Variants in ATP10D observed in about 807,000 individuals in gnomAD.
The protein encoded by ATP10D is ATPase phospholipid transporting 10D (putative), also known as phospholipid-transporting ATPase VD.
Under a neutral mutation model 144.8 loss-of-function variants are expected in ATP10D, and 89 were observed. That is an observed-to-expected ratio of 0.61 (90% CI 0.52 to 0.73). The LOEUF (loss-of-function observed/expected upper bound fraction) is 0.73. ATP10D is among the 30% of genes least tolerant of loss of function. ATP10D has a pLI of 0.00. For missense variants in ATP10D, 1,603 were observed against 1,714.8 expected, an observed-to-expected ratio of 0.93 and a Z score of 1.15; for synonymous variants, 571 against 615.1, an observed-to-expected ratio of 0.93 and a Z score of 1.06.
intron 9 of ATP10D, among the ~76,000 whole-genome samples, chr4:47,537,773 A>C (rs1717928068): frequency 6.6e-6 from 1 of 152,144 alleles, no homozygotes. Context: ...TTAGTTTGCT[A>C]TGCTTAATGG....
chr4:47,534,063 C>T (rs1401133592), intron 5 of ATP10D, among the ~76,000 whole-genome samples: 1 of 152,160 alleles, frequency 6.6e-6, no homozygotes, highest in Non-Finnish European at 1.5e-5. Flanking sequence ...ACAAGGTCTA[C>T]ACTTTGCATC....
Position 47,535,885 on chromosome 4 carries a change from C to A in ATP10D, c.884-17C>A, listed in dbSNP as rs1409467405. The stretch of plus-strand genomic sequence containing the variant: ...TTTAATTTGTACATTTTCTATCATA[C>A]TGCACATCCTTCATAGGCCATGAAA... On this transcript the variant is annotated splice_polypyrimidine_tract_variant and intron_variant, in intron 6 of 22. Transcript: ENST00000273859. 1.2e-6 allele frequency: 2 copies of A among 1,605,524 alleles called. No homozygotes were observed. Among genetic ancestry groups the A allele is most frequent in the Non-Finnish European group, 1.7e-6 (2 of 1,177,108 alleles).
intron 20 of ATP10D, among the ~76,000 whole-genome samples, chr4:47,581,713 G>T (rs910056900): frequency 3.9e-5 from 6 of 152,262 alleles, no homozygotes; most frequent in Admixed American, 1.3e-4. Context: ...TGAGTGAAAG[G>T]TTCCAGGAGG....
rs967659275 is a variant in ATP10D at position 47,512,829 on chromosome 4, A to C, written c.289A>C (p.Arg97=). 2.5e-6 allele frequency: 4 copies of C among 1,597,064 alleles called. No individual in the cohort carries two copies. Among genetic ancestry groups the C allele is most frequent in the Non-Finnish European group, 3.4e-6 (4 of 1,167,672 alleles). The part of the protein sequence containing the change: ...VPRNLFEQFH[R]AANLYFLFLV... Reference sequence around the variant, plus strand: ...AAGAAATTTATTTGAACAATTTCACAGGTACTGTTTTATTTTTGAAGAAAA... The same window carrying C: ...AAGAAATTTATTTGAACAATTTCACCGGTACTGTTTTATTTTTGAAGAAAA... The change falls in exon 2 of 23, where the codon AGA becomes CGA. Residue 97 remains arginine (R), a splice_region_variant and synonymous_variant. Transcript: ENST00000273859.
intron 1 of ATP10D, among the ~76,000 whole-genome samples, chr4:47,506,686 A>G (rs1252863675): frequency 6.6e-6 from 1 of 152,206 alleles, no homozygotes; most frequent in East Asian, 1.9e-4. Flanking sequence ...GATCTAAAAC[A>G]TTCTTTCTTG....
intron 3 of ATP10D, among the ~76,000 whole-genome samples, chr4:47,518,065 A>G (rs1462340439): frequency 1.3e-5 from 2 of 152,214 alleles, no homozygotes; most frequent in Non-Finnish European, 2.9e-5. Flanking sequence ...AAGATGGGAT[A>G]TAAAACCATG....
At chr4:47,498,635 T>C (rs12510653) in intron 1 of ATP10D, among the ~76,000 whole-genome samples, 35,330 of 152,216 alleles carry the variant, frequency 0.23, 4,310 homozygotes, top group South Asian at 0.3. Flanking sequence ...GCATCCCATT[T>C]GAAGAGCATT....
chr4:47,509,943 GGTGTGTGTGTGTGTGTGTGTGT>G (rs67386792), intron 1 of ATP10D, among the ~76,000 whole-genome samples: 4 of 143,816 alleles, frequency 2.8e-5, no homozygotes, highest in African/African-American at 7.8e-5. Flanking sequence ...TTGTTTCAGG[GGTGTGTGTGTGTGTGTGTGTGT>G]GTGTGTGTGT....
Position 47,523,781 on chromosome 4 carries a change from G to C in ATP10D, c.690+565G>C, listed in dbSNP as rs189601404. 3.3e-5 allele frequency among the ~76,000 whole-genome samples: 5 copies of C among 151,960 alleles called. No individual in the cohort carries two copies. In the East Asian group the frequency reaches 9.6e-4, roughly 29 times the overall value. On this transcript the variant is annotated intron_variant, in intron 4 of 22. Transcript: ENST00000273859. ...GTATCTACTCTATAGCATTGTTGTA[G>C]GATTCAAATGAAATAGTACATATGT... is the stretch of plus-strand genomic sequence containing the variant.
At chr4:47,556,703 T>G (rs1042029899) in intron 11 of ATP10D, 4 of 152,222 alleles carry the variant, frequency 2.6e-5, no homozygotes, top group Non-Finnish European at 4.4e-5. Context: ...TCAACCAGCA[T>G]AAGACCTTCA....
intron 3 of ATP10D, among the ~76,000 whole-genome samples, chr4:47,518,578 T>G (rs1306189778): frequency 6.6e-6 from 1 of 152,202 alleles, no homozygotes; most frequent in Non-Finnish European, 1.5e-5. Flanking sequence ...TACATTATTT[T>G]CTGACCTTTA....
chr4:47,547,131 G>A, intron 10 of ATP10D: 2 of 438,232 alleles, frequency 4.6e-6, no homozygotes, highest in Non-Finnish European at 8.3e-6. Flanking sequence ...GGCTGATTAT[G>A]TGTGAGCCTG....
chr4:47,582,440 C>T (rs1019004161), intron 21 of ATP10D, among the ~76,000 whole-genome samples: 1 of 152,138 alleles, frequency 6.6e-6, no homozygotes, highest in Non-Finnish European at 1.5e-5. Context: ...TTTATGCCTT[C>T]CTTATAATAG....
intron 1 of ATP10D, 55 bp from the exon 2 acceptor site, chr4:47,512,449 T>G (rs939544570): frequency 4.2e-6 from 5 of 1,178,686 alleles, no homozygotes; most frequent in South Asian, 1.5e-5. Context: ...AAAATTTCAC[T>G]ATCTTTGAGA....
intron 21 of ATP10D, among the ~76,000 whole-genome samples, chr4:47,582,588 G>A (rs1560458366): frequency 6.6e-6 from 1 of 152,062 alleles, no homozygotes; most frequent in South Asian, 2.1e-4. Flanking sequence ...ATATTCGTGG[G>A]CTGGAACCAC....
At chr4:47,502,301 C>G (rs1577615439) in intron 1 of ATP10D, among the ~76,000 whole-genome samples, 1 of 152,086 alleles carries the variant, frequency 6.6e-6, no homozygotes, top group East Asian at 1.9e-4. Context: ...GAAACCCCGT[C>G]TCTACTAAAA....
Position 47,577,497 on chromosome 4 carries a change from G to A in ATP10D, c.3567+524G>A, listed in dbSNP as rs181283389. Reference sequence around the variant, plus strand: ...GTAAATTTTTTAACTTGCCTGTGCTGCAGGTTCTTTATGGGAATGAAGTGA... The same window carrying A: ...GTAAATTTTTTAACTTGCCTGTGCTACAGGTTCTTTATGGGAATGAAGTGA... On this transcript the variant is annotated intron_variant, in intron 19 of 22. Coordinates refer to ENST00000273859, the MANE Select transcript of ATP10D (RefSeq NM_020453.4). Among the ~76,000 whole-genome samples, 605 of 152,142 alleles carry A rather than the reference G, an allele frequency of 4.0e-3. 12 individuals carry two copies. The highest frequency in any genetic ancestry group is 6.8e-4 in the Non-Finnish European group (46 of 68,010).
Position 47,536,748 on chromosome 4 carries a change from C to A in ATP10D, c.1206C>A (p.Phe402Leu). The part of the protein sequence containing the change: ...IEIVKLGQIY[F>L]IQSDVDFYNE... Reference sequence around the variant, plus strand: ...TTGTGAAGCTTGGACAAATATATTTCATTCAAAGTGATGTGGATTTCTACA... The same window carrying A: ...TTGTGAAGCTTGGACAAATATATTTAATTCAAAGTGATGTGGATTTCTACA... The change falls in exon 9 of 23, where the codon TTC becomes TTA. Residue 402 changes from phenylalanine to leucine, a missense_variant. By Grantham distance (22) the Phe-to-Leu change is conservative. Coordinates refer to ENST00000273859, the MANE Select transcript of ATP10D (RefSeq NM_020453.4). 6.2e-7 allele frequency: 1 copy of A among 1,613,306 alleles called. No individual in the cohort carries two copies. The highest frequency in any genetic ancestry group is 1.1e-5 in the South Asian group (1 of 90,992).
rs754814555 is a variant in ATP10D at position 47,525,569 on chromosome 4, G to A, written c.703G>A (p.Asp235Asn). ...AAAATATTTTTAGGACTCTGAAGTT[G>A]ATCCTGAGAAGTTTTCCAGTAGGAT... ...RGYAEQDSEV[D>N]PEKFSSRIEC... The change falls in exon 5 of 23, where the codon GAT becomes AAT. Residue 235 changes from aspartate to asparagine, a missense_variant. By Grantham distance (23) the Asp-to-Asn change is conservative. Coordinates refer to ENST00000273859, the MANE Select transcript of ATP10D (RefSeq NM_020453.4). 3.7e-6 allele frequency: 6 copies of A among 1,612,064 alleles called. No individual in the cohort carries two copies. The African/African-American group carries it at 8.0e-5, about 22-fold the overall frequency.
Sources: gnomAD v4.1 joint callset for allele counts (sites outside exome capture counted in the v4.1 genomes callset) on GRCh38, gnomAD v4.1.1 for gene constraint, MANE v1.5 for transcripts, NCBI Gene and HGNC (gene_info 2026-07-23, HGNC 2026-07-21) for gene names.